The following NFATC3 variants were observed in gnomAD, a reference collection of about 807,000 sequenced individuals.
NFATC3 encodes nuclear factor of activated T-cells, cytoplasmic 3.
In NFATC3, 46 loss-of-function variants were observed where a neutral mutation model predicts 98.6. That is an observed-to-expected ratio of 0.47 (90% CI 0.37 to 0.60). NFATC3 has a LOEUF of 0.60. NFATC3 is among the 20% of genes least tolerant of loss of function. The probability of loss-of-function intolerance (pLI) is 0.00; values close to 1 mark genes in which losing one functional copy is unlikely to be tolerated. For missense variants in NFATC3, 1,256 were observed against 1,295.5 expected, an observed-to-expected ratio of 0.97 and a Z score of 0.47; for synonymous variants, 512 against 472.2, an observed-to-expected ratio of 1.08 and a Z score of -1.09.
At chr16:68,199,611 C>T (rs2040829529) in intron 9 of NFATC3, among the ~76,000 whole-genome samples, 2 of 150,394 alleles carry the variant, frequency 1.3e-5, no homozygotes, top group South Asian at 4.2e-4. Flanking sequence ...GTTTTTGAGA[C>T]GGAGTCTCAC....
At chr16:68,139,838 C>G (rs913404518) in intron 3 of NFATC3, among the ~76,000 whole-genome samples, 1 of 152,090 alleles carries the variant, frequency 6.6e-6, no homozygotes, top group Non-Finnish European at 1.5e-5. Context: ...TCCATTGAGA[C>G]TTGCAAATAA....
intron 2 of NFATC3, among the ~76,000 whole-genome samples, chr16:68,125,194 TGA>T (rs1401060291): frequency 6.6e-6 from 1 of 152,216 alleles, no homozygotes; most frequent in Non-Finnish European, 1.5e-5. Context: ...CAGAAGTAAC[TGA>T]GAGTTGAAGT....
At chr16:68,152,981 T>G (rs751883968) in intron 3 of NFATC3, among the ~76,000 whole-genome samples, 3 of 152,204 alleles carry the variant, frequency 2.0e-5, no homozygotes, top group Non-Finnish European at 4.4e-5. Context: ...CCACAAGTAT[T>G]GCTGCATTGG....
rs1477761725 is a variant in NFATC3, at chr16:68,085,410, G to T, written c.-272G>T. 13 of 256,890 alleles carry T rather than the reference G, an allele frequency of 5.1e-5. No individual in the cohort carries two copies. The highest frequency in any genetic ancestry group is 4.7e-5 in the African/African-American group (2 of 42,324). The allele number at this position is 256,890 out of a possible 1,614,324, so 15.9% of individuals were successfully genotyped here. A position where few individuals can be genotyped will look rare whatever the true frequency, so the allele number is the denominator to read the frequency against. On this transcript the variant is annotated 5_prime_UTR_variant, in exon 1 of 10. Coordinates refer to ENST00000346183, the MANE Select transcript of NFATC3 (RefSeq NM_173165.3). ...ACCCGCGGCGGCGGTGGCGGCGACT[G>T]TGGGGGGGCGGCGGGGAACATTGGC...
chr16:68,222,982 C>T (rs996888406), intron 9 of NFATC3, among the ~76,000 whole-genome samples: 3 of 152,170 alleles, frequency 2.0e-5, no homozygotes, highest in Non-Finnish European at 4.4e-5. Context: ...CAAGGGCTGC[C>T]TTGCGTTCTT....
At chr16:68,193,073 G>A (rs747664301) in intron 9 of NFATC3, among the ~76,000 whole-genome samples, 23 of 152,058 alleles carry the variant, frequency 1.5e-4, no homozygotes, top group Non-Finnish European at 2.6e-4. Flanking sequence ...TGTATTGAAC[G>A]TGTACAAACA....
Position 68,226,930 on chromosome 16 carries a change from AAAAG to A in NFATC3, c.*463_*466del, listed in dbSNP as rs2042051889. ...AAAAAAAAAAAAAAAAAAAGAAAAA[AAAAG>A]AAAAGAAAAAAAGAAAAAGAAAAAA... On this transcript the variant is annotated 3_prime_UTR_variant, in exon 10 of 10. Coordinates refer to ENST00000346183, the MANE Select transcript of NFATC3 (RefSeq NM_173165.3). 2.7e-5 allele frequency: 4 copies of A among 146,588 alleles called. No homozygotes were observed. Among genetic ancestry groups the A allele is most frequent in the African/African-American group, 7.3e-5 (3 of 40,892 alleles). 9.1% of individuals were successfully genotyped at this position (146,588 alleles called of 1,614,324 possible).
chr16:68,123,882 G>T (rs2036685030), intron 2 of NFATC3, among the ~76,000 whole-genome samples: 1 of 151,918 alleles, frequency 6.6e-6, no homozygotes, highest in Admixed American at 6.6e-5. Context: ...GTACTAGGGA[G>T]GCTGAGGCGG....
rs191333125 is a variant in NFATC3, at chr16:68,169,811, C to T, written c.1774+2796C>T. ...CAAAAATTAGCTGGGCATGGTGGCA[C>T]GTGCCTGTAATCCCAGCTACTCCAG... is the stretch of plus-strand genomic sequence containing the variant. On this transcript the variant is annotated intron_variant, in intron 5 of 9. Transcript: ENST00000346183. Among the ~76,000 whole-genome samples the T allele has an allele frequency of 6.5e-3, 995 of 151,922 alleles. 4 individuals are homozygous for T. Among genetic ancestry groups the T allele is most frequent in the Non-Finnish European group, 0.011 (720 of 67,974 alleles).
At chr16:68,114,827 C>T (rs2036186547) in intron 1 of NFATC3, among the ~76,000 whole-genome samples, 1 of 152,150 alleles carries the variant, frequency 6.6e-6, no homozygotes, top group Non-Finnish European at 1.5e-5. Flanking sequence ...CCTGCCTCTG[C>T]CTCCCAAAGT....
At chr16:68,188,313 G>C (rs1323401264) in intron 8 of NFATC3, among the ~76,000 whole-genome samples, 2 of 152,164 alleles carry the variant, frequency 1.3e-5, no homozygotes, top group Non-Finnish European at 2.9e-5. Flanking sequence ...ACCCAGGATG[G>C]TGGGGCTTCT....
intron 3 of NFATC3, among the ~76,000 whole-genome samples, chr16:68,140,328 T>C (rs1257340969): frequency 6.6e-6 from 1 of 152,122 alleles, no homozygotes; most frequent in Non-Finnish European, 1.5e-5. Flanking sequence ...AGCTAATTAA[T>C]AAGCAGACAT....
At position 68,165,289 on chromosome 16, in the gene NFATC3, ATTC is replaced by A. The variant is rs567030143; in HGVS notation, c.1602-1549_1602-1547del. ...TTCAAAATTGTTGCATTTAAAAAAAATTCTTCTCCTGTGTCTTTCTTAAGATGA... is the reference window on the plus strand; with the variant it reads ...TTCAAAATTGTTGCATTTAAAAAAAATTCTCCTGTGTCTTTCTTAAGATGA... On this transcript the variant is annotated intron_variant, in intron 4 of 9. Transcript: ENST00000346183. Among the ~76,000 whole-genome samples the A allele has an allele frequency of 3.2e-4, 48 of 151,166 alleles. No homozygotes were observed. In the East Asian group the frequency reaches 8.9e-3, roughly 28 times the overall value.
At chr16:68,190,678 A>G in intron 8 of NFATC3, 90 bp from the exon 9 acceptor site, 1 of 1,368,176 alleles carries the variant, frequency 7.3e-7, no homozygotes, top group Non-Finnish European at 9.9e-7. Context: ...CCCTCAGCTT[A>G]CGCTGTAGTT....
chr16:68,184,004 C>CAA lies in NFATC3; in HGVS notation c.2098+658_2098+659dup, dbSNP rs34341175. Among the ~76,000 whole-genome samples, 597 of 61,864 alleles carry CAA rather than the reference C, an allele frequency of 9.7e-3. 9 individuals are homozygous for CAA. Among genetic ancestry groups the CAA allele is most frequent in the African/African-American group, 0.023 (364 of 16,062 alleles). 40.6% of individuals were successfully genotyped at this position (61,864 alleles called of 152,430 possible). ...CTGGGAAACGAGCGAAACTCCGTCACAAAAAAAAAAAAAAAAAAAAAGAAA... is the reference window on the plus strand; with the variant it reads ...CTGGGAAACGAGCGAAACTCCGTCACAAAAAAAAAAAAAAAAAAAAAAAGAAA... On this transcript the variant is annotated intron_variant, in intron 8 of 9. Transcript: ENST00000346183.
At chr16:68,181,842 A>ACTTGAG (rs755172358) in intron 7 of NFATC3, among the ~76,000 whole-genome samples, 5 of 152,102 alleles carry the variant, frequency 3.3e-5, no homozygotes, top group Non-Finnish European at 5.9e-5. Flanking sequence ...TGGGAGGATC[A>ACTTGAG]CCTGAGCCTG....
chr16:68,142,960 G>A (rs2037835760), intron 3 of NFATC3, among the ~76,000 whole-genome samples: 1 of 152,086 alleles, frequency 6.6e-6, no homozygotes, highest in South Asian at 2.1e-4. Flanking sequence ...GCCGCATGAA[G>A]TGGCTCACAC....
At chr16:68,197,740 C>T (rs1479005540) in intron 9 of NFATC3, among the ~76,000 whole-genome samples, 1 of 152,132 alleles carries the variant, frequency 6.6e-6, no homozygotes, top group African/African-American at 2.4e-5. Context: ...CCACAGGACA[C>T]GGTAATTTAA....
At chr16:68,106,684 C>T (rs2035673205) in intron 1 of NFATC3, among the ~76,000 whole-genome samples, 1 of 152,026 alleles carries the variant, frequency 6.6e-6, no homozygotes, top group South Asian at 2.1e-4. Flanking sequence ...CCTCAGCCTC[C>T]CAAAGAGCTG....
Sources: gnomAD v4.1 joint callset for allele counts (sites outside exome capture counted in the v4.1 genomes callset) on GRCh38, gnomAD v4.1.1 for gene constraint, MANE v1.5 for transcripts, NCBI Gene and HGNC (gene_info 2026-07-23, HGNC 2026-07-21) for gene names.